NOL10: variants seen among roughly 807,000 people sequenced by gnomAD.
The protein encoded by NOL10 is H_NH0074G24.1.
A neutral mutation model predicts 103.5 loss-of-function variants in NOL10; 58 were observed. That is an observed-to-expected ratio of 0.56 (90% CI 0.45 to 0.70). The LOEUF (loss-of-function observed/expected upper bound fraction) is 0.70, where lower values mean the gene tolerates loss of function less well. Among genes scored for constraint, NOL10 ranks in the 30% least tolerant of loss-of-function variants. The probability of loss-of-function intolerance (pLI) is 0.00; values close to 1 mark genes in which losing one functional copy is unlikely to be tolerated. For missense variants in NOL10, 763 were observed against 807.3 expected (o/e 0.95, Z 0.67); for synonymous variants, 287 against 282.5 (o/e 1.02, Z -0.16).
intron 13 of NOL10, among the ~76,000 whole-genome samples, chr2:10,614,504 C>T (rs1676734556): frequency 1.3e-5 from 2 of 152,202 alleles, no homozygotes; most frequent in African/African-American, 2.4e-5. Context: ...AAAAAAACTT[C>T]AGTAAGGTCT....
At chr2:10,617,938 G>A (rs928247988) in intron 13 of NOL10, among the ~76,000 whole-genome samples, 2 of 152,084 alleles carry the variant, frequency 1.3e-5, no homozygotes, top group Non-Finnish European at 2.9e-5. Context: ...AGAGGGAGGA[G>A]AAGGAAGAAA....
intron 13 of NOL10, among the ~76,000 whole-genome samples, chr2:10,640,023 T>C (rs1029369422): frequency 3.0e-5 from 4 of 134,814 alleles, no homozygotes; most frequent in African/African-American, 1.0e-4. Flanking sequence ...TGATATCAGA[T>C]AGGCAAAAAT....
chr2:10,674,418 C>A (rs1681154429), intron 4 of NOL10, among the ~76,000 whole-genome samples: 2 of 152,146 alleles, frequency 1.3e-5, no homozygotes, highest in Non-Finnish European at 2.9e-5. Flanking sequence ...CCCCAGTGAC[C>A]TTTACCCTCG....
At chr2:10,609,794 A>G (rs765596894) in intron 13 of NOL10, among the ~76,000 whole-genome samples, 22 of 152,224 alleles carry the variant, frequency 1.4e-4, no homozygotes, top group Non-Finnish European at 1.9e-4. Flanking sequence ...TTTCTTTTCT[A>G]GACGAGATCA....
intron 13 of NOL10, among the ~76,000 whole-genome samples, chr2:10,642,118 T>A (rs1352074401): frequency 6.6e-6 from 1 of 152,222 alleles, no homozygotes; most frequent in Non-Finnish European, 1.5e-5. Flanking sequence ...CTGCCTCTCC[T>A]GACAATGTTC....
chr2:10,668,058 C>G (rs1317202220), intron 7 of NOL10, among the ~76,000 whole-genome samples: 1 of 152,174 alleles, frequency 6.6e-6, no homozygotes, highest in African/African-American at 2.4e-5. Flanking sequence ...CTCAGCTGCC[C>G]TATCTGTAAA....
rs372457762 is a variant in NOL10 at position 10,683,266 on chromosome 2, T to C, written c.113-1197A>G. 7.9e-5 allele frequency among the ~76,000 whole-genome samples: 12 copies of C among 152,212 alleles called. No homozygotes were observed. The East Asian group carries it at 2.3e-3, about 29-fold the overall frequency. ...ACAAGCTATAATGAAGAAAATATAA[T>C]GAAAACTTGTGCACCAAAATTATTT... On this transcript the variant is annotated intron_variant, in intron 2 of 20. Coordinates refer to ENST00000381685, the MANE Select transcript of NOL10 (RefSeq NM_024894.4).
Position 10,675,854 on chromosome 2 carries a change from C to T in NOL10, c.229G>A (p.Val77Ile), listed in dbSNP as rs780206889. The stretch of plus-strand genomic sequence containing the variant: ...AATTGATAGGTGTCATAACATCGAA[C>T]CCGAGGTTTATATGTTCCTACAAAA... ...ILATGTYKPRVRCYDTYQLSL... is the reference protein window; with the variant it reads ...ILATGTYKPRIRCYDTYQLSL... The change falls in exon 4 of 21, where the codon GTT becomes ATT. Residue 77 changes from valine to isoleucine, a missense_variant. Coordinates refer to ENST00000381685, the MANE Select transcript of NOL10 (RefSeq NM_024894.4). 1.7e-5 allele frequency: 27 copies of T among 1,573,814 alleles called. No individual in the cohort carries two copies. In the South Asian group the frequency reaches 2.6e-4, roughly 15 times the overall value.
chr2:10,587,098 C>CATATATAT (rs1450691017), intron 19 of NOL10, among the ~76,000 whole-genome samples: 502 of 44,064 alleles, frequency 0.011, 130 homozygotes, highest in African/African-American at 0.015. Flanking sequence ...CATATATATA[C>CATATATAT]ACATATATAT....
chr2:10,636,948 T>A (rs558043428), intron 13 of NOL10, among the ~76,000 whole-genome samples: 1 of 152,172 alleles, frequency 6.6e-6, no homozygotes, highest in East Asian at 1.9e-4. Flanking sequence ...ACGCCTGTAA[T>A]CCTAGCACCT....
In NOL10 at chr2:10,603,060, C is replaced by G. The variant is rs1156848287; in HGVS notation, c.1233+18G>C. On this transcript the variant is annotated intron_variant, in intron 15 of 20. Coordinates refer to ENST00000381685, the MANE Select transcript of NOL10 (RefSeq NM_024894.4). ...GCATTAGTTACCTGAAACATAATAA[C>G]TGTAGTTTTCTGTTTACCTTGTGAT... 2.5e-6 allele frequency: 4 copies of G among 1,573,756 alleles called. No homozygotes were observed. The African/African-American group carries it at 5.4e-5, about 21-fold the overall frequency.
At chr2:10,617,326 G>A (rs1676886739) in intron 13 of NOL10, among the ~76,000 whole-genome samples, 1 of 152,200 alleles carries the variant, frequency 6.6e-6, no homozygotes. Flanking sequence ...GCATTCATGA[G>A]GATCACTCTG....
At chr2:10,637,568 C>A (rs1453114651) in intron 13 of NOL10, among the ~76,000 whole-genome samples, 1 of 152,190 alleles carries the variant, frequency 6.6e-6, no homozygotes, top group African/African-American at 2.4e-5. Flanking sequence ...GGGGAGTGTG[C>A]TACCTACTCA....
intron 13 of NOL10, among the ~76,000 whole-genome samples, chr2:10,612,657 C>T (rs1676631383): frequency 6.6e-6 from 1 of 152,036 alleles, no homozygotes; most frequent in Admixed American, 6.6e-5. Flanking sequence ...CACTCACCAC[C>T]ACAACCAGCT....
intron 11 of NOL10, among the ~76,000 whole-genome samples, chr2:10,655,357 T>C (rs943186020): frequency 6.6e-6 from 1 of 151,700 alleles, no homozygotes; most frequent in Non-Finnish European, 1.5e-5. Flanking sequence ...ATGGCCAGCA[T>C]GGAAAATGAG....
chr2:10,617,284 G>A (rs1279713442), intron 13 of NOL10, among the ~76,000 whole-genome samples: 1 of 152,186 alleles, frequency 6.6e-6, no homozygotes, highest in African/African-American at 2.4e-5. Context: ...AGCCCAGTGT[G>A]GCTTGAATAG....
chr2:10,643,853 G>A (rs972667911), intron 13 of NOL10, among the ~76,000 whole-genome samples: 3 of 152,230 alleles, frequency 2.0e-5, no homozygotes, highest in African/African-American at 7.2e-5. Context: ...GTTTGAGCAT[G>A]AATTGACTGG....
At chr2:10,661,836 T>C (rs1461232775) in intron 9 of NOL10, among the ~76,000 whole-genome samples, 2 of 150,986 alleles carry the variant, frequency 1.3e-5, no homozygotes, top group South Asian at 2.1e-4. Context: ...CTAAGGTTTG[T>C]AGGGAAAACA....
chr2:10,665,823 T>C (rs1680531091), intron 8 of NOL10, among the ~76,000 whole-genome samples: 1 of 152,256 alleles, frequency 6.6e-6, no homozygotes, highest in Non-Finnish European at 1.5e-5. Flanking sequence ...AACATAGTTT[T>C]ACATAATATC....
Sources: allele counts gnomAD v4.1 joint callset (sites outside exome capture counted in the v4.1 genomes callset), GRCh38; gene constraint gnomAD v4.1.1; transcripts MANE v1.5; gene names NCBI Gene and HGNC (gene_info 2026-07-23, HGNC 2026-07-21).